ANK3: variants seen among roughly 807,000 people sequenced by gnomAD.
ANK3 encodes ankyrin 3, also known as ankyrin-3.
In ANK3, 57 loss-of-function variants were observed where a neutral mutation model predicts 370.9. That is an observed-to-expected ratio of 0.15 (90% CI 0.12 to 0.19). ANK3 has a LOEUF of 0.19. ANK3 is among the 10% of genes least tolerant of loss of function. The pLI, the probability that ANK3 is intolerant of heterozygous loss-of-function variation, is 1.00. For synonymous variants in ANK3, 1,929 were observed against 1,946.3 expected (o/e 0.99, Z 0.23); for missense variants, 4,439 against 5,302.1 (o/e 0.84, Z 5.06).
At chr10:60,429,876 T>C (rs891070727) in intron 2 of ANK3, among the ~76,000 whole-genome samples, 1 of 152,232 alleles carries the variant, frequency 6.6e-6, no homozygotes, top group African/African-American at 2.4e-5. Context: ...TCTCATATTT[T>C]AATGTAACAT....
At chr10:60,628,188 C>T (rs557333467) in intron 1 of ANK3, among the ~76,000 whole-genome samples, 2 of 152,284 alleles carry the variant, frequency 1.3e-5, no homozygotes, top group Admixed American at 6.5e-5. Flanking sequence ...ATTCCCTTAT[C>T]TGTAAAACTA....
chr10:60,063,328 G>C (rs1023303147), intron 39 of ANK3, 74 bp from the exon 40 acceptor site: 4 of 1,450,052 alleles, frequency 2.8e-6, no homozygotes, highest in African/African-American at 1.4e-5. Flanking sequence ...CTACACAAAG[G>C]CATGGCTTTT....
chr10:60,642,211 G>A (rs1317792027), intron 1 of ANK3, among the ~76,000 whole-genome samples: 1 of 151,252 alleles, frequency 6.6e-6, no homozygotes, highest in Non-Finnish European at 1.5e-5. Context: ...AACCATTGTG[G>A]AAGTCAGTGT....
In ANK3 at chr10:60,416,025, G is replaced by A. The variant is rs550421787; in HGVS notation, c.97-136386C>T. On this transcript the variant is annotated intron_variant, in intron 2 of 43. Transcript: ENST00000373827. ...TAAGTCATGAGGGTGGAGTCCTCAT[G>A]AATAGGATTAGTGTCCCTATTAAAA... 1.6e-4 allele frequency among the ~76,000 whole-genome samples: 24 copies of A among 146,676 alleles called. No individual in the cohort carries two copies. In the South Asian group the frequency reaches 5.0e-3, roughly 31 times the overall value.
chr10:60,654,481 TGTGA>T (rs1354581617), intron 1 of ANK3, among the ~76,000 whole-genome samples: 3 of 152,190 alleles, frequency 2.0e-5, no homozygotes, highest in Admixed American at 6.5e-5. Flanking sequence ...CCTTATCTGT[TGTGA>T]GTGTTTATTA....
chr10:60,201,979 T>C (rs1252683301), intron 12 of ANK3, among the ~76,000 whole-genome samples: 1 of 152,084 alleles, frequency 6.6e-6, no homozygotes, highest in African/African-American at 2.4e-5. Context: ...CCTCCCAAAG[T>C]GCTGGGATTA....
chr10:60,236,336 A>G (rs1398212419), intron 7 of ANK3, among the ~76,000 whole-genome samples: 1 of 150,738 alleles, frequency 6.6e-6, no homozygotes, highest in Non-Finnish European at 1.5e-5. Context: ...GACCCCCTCC[A>G]TGTTCAAATT....
intron 1 of ANK3, among the ~76,000 whole-genome samples, chr10:60,619,767 C>T (rs7905531): frequency 0.41 from 62,372 of 151,942 alleles, 13,031 homozygotes; most frequent in African/African-American, 0.48. Flanking sequence ...GAACCCAGGA[C>T]TTCTGTTGTC....
At position 60,479,435 on chromosome 10, in the gene ANK3, G is replaced by A. The variant is rs542835368; in HGVS notation, c.96+135751C>T. ...GGCTATACCATCTGGGTGTGAATAA[G>A]TACACTCTGTGATATTTGCATGACA... On this transcript the variant is annotated intron_variant, in intron 2 of 43. Coordinates refer to the ANK3 transcript ENST00000373827. Among the ~76,000 whole-genome samples, 60 of 152,150 alleles carry A rather than the reference G, an allele frequency of 3.9e-4. 1 individual carries two copies. The South Asian group carries it at 0.012, about 31-fold the overall frequency.
chr10:60,100,234 GTTTTTTTTTTT>G (rs3045340), intron 28 of ANK3, among the ~76,000 whole-genome samples: 54 of 57,902 alleles, frequency 9.3e-4, no homozygotes, highest in Non-Finnish European at 8.6e-4. Flanking sequence ...TTTTGCTATG[GTTTTTTTTTTT>G]TTTTTTTTTT....
At chr10:60,680,201 A>T (rs2133389924) in intron 1 of ANK3, among the ~76,000 whole-genome samples, 1 of 152,280 alleles carries the variant, frequency 6.6e-6, no homozygotes, top group Non-Finnish European at 1.5e-5. Flanking sequence ...AAAAAATATA[A>T]AACTTGCCTT....
At chr10:60,636,447 G>T in intron 1 of ANK3, among the ~76,000 whole-genome samples, 1 of 152,096 alleles carries the variant, frequency 6.6e-6, no homozygotes, top group African/African-American at 2.4e-5. Flanking sequence ...TCTTCTCTTC[G>T]TGTGATGGCT....
chr10:60,507,697 G>A (rs2075976103), intron 2 of ANK3: 1 of 151,948 alleles, frequency 6.6e-6, no homozygotes, highest in Middle Eastern at 3.5e-3. Flanking sequence ...TAGTAAATTA[G>A]ACTTCAAATT....
At position 60,071,416 on chromosome 10, in the gene ANK3, T is replaced by C. The variant is rs750831618; in HGVS notation, c.9465A>G (p.Gln3155=). 6.2e-7 allele frequency: 1 copy of C among 1,614,154 alleles called. No individual in the cohort carries two copies. Residue 3155 remains glutamine, a synonymous_variant, in exon 37 of 44, where the codon CAA becomes CAG. Transcript: ENST00000280772. ...QGSPEDDTLE[Q]VSFLDSSGKS... ...TCCCAGAGCTGTCTAGAAAGGATAC[T>C]TGCTCTAGAGTATCATCTTCTGGAC...
At chr10:60,474,469 G>A (rs1488924131) in intron 2 of ANK3, among the ~76,000 whole-genome samples, 1 of 152,086 alleles carries the variant, frequency 6.6e-6, no homozygotes, top group Non-Finnish European at 1.5e-5. Flanking sequence ...TGAAAATGGG[G>A]GTCAGTGATA....
rs1816797 is a variant in ANK3, at chr10:60,664,647, T to C, written c.58-49423A>G. Among the ~76,000 whole-genome samples the C allele has an allele frequency of 0.013, 1,941 of 152,222 alleles. 130 individuals are homozygous for C. The East Asian group carries it at 0.21, about 16-fold the overall frequency. On this transcript the variant is annotated intron_variant, in intron 1 of 43. Transcript: ENST00000373827. ...TAAGACAGAAATAAAATCTAAAAAATAATTGACCCCAAGATCCATTTAAAA... is the reference window on the plus strand; with the variant it reads ...TAAGACAGAAATAAAATCTAAAAAACAATTGACCCCAAGATCCATTTAAAA...
intron 1 of ANK3, among the ~76,000 whole-genome samples, chr10:60,665,388 T>C (rs548107064): frequency 2.7e-4 from 41 of 152,314 alleles, no homozygotes; most frequent in African/African-American, 9.6e-4. Context: ...TGATGAGCAC[T>C]AAACAAAATC....
intron 40 of ANK3, chr10:60,060,201 T>A (rs2080100681): frequency 2.4e-6 from 1 of 422,832 alleles, no homozygotes; most frequent in East Asian, 3.5e-5. Context: ...TCCAATAAAA[T>A]AGAATACTAA....
intron 1 of ANK3, among the ~76,000 whole-genome samples, chr10:60,646,694 C>A (rs904446871): frequency 6.6e-6 from 1 of 151,950 alleles, no homozygotes; most frequent in East Asian, 1.9e-4. Context: ...CCTGAGGAAC[C>A]CCAACATTTA....
Sources: gnomAD v4.1 joint callset for allele counts (sites outside exome capture counted in the v4.1 genomes callset) on GRCh38, gnomAD v4.1.1 for gene constraint, MANE v1.5 for transcripts, NCBI Gene and HGNC (gene_info 2026-07-23, HGNC 2026-07-21) for gene names.